The following MAP4K3 variants were observed in gnomAD, a reference collection of about 807,000 sequenced individuals.
MAP4K3 encodes the protein mitogen-activated protein kinase kinase kinase kinase 3.
In MAP4K3, 94 loss-of-function variants were observed where a neutral mutation model predicts 143.5. The ratio of observed to expected loss-of-function variants is 0.65; its 90% confidence interval spans 0.55 to 0.78. The LOEUF is 0.78. Ranked by LOEUF, MAP4K3 falls within the 30% of genes least tolerant of loss-of-function variation. The pLI is 0.00. For missense variants in MAP4K3, 1,077 were observed against 1,068.1 expected (o/e 1.01, Z -0.12); for synonymous variants, 416 against 347.2 (o/e 1.20, Z -2.20).
chr2:39,420,082 G>A (rs1667505003), intron 1 of MAP4K3, among the ~76,000 whole-genome samples: 1 of 152,192 alleles, frequency 6.6e-6, no homozygotes, highest in Non-Finnish European at 1.5e-5. Context: ...CCCTGGCCTA[G>A]GGTCAGAGAG....
chr2:39,314,316 C>A (rs1332106501), intron 13 of MAP4K3, among the ~76,000 whole-genome samples: 1 of 152,186 alleles, frequency 6.6e-6, no homozygotes, highest in East Asian at 1.9e-4. Context: ...AAGCATGAGC[C>A]ACTGTACCTG....
At chr2:39,424,943 T>C (rs940105935) in intron 1 of MAP4K3, among the ~76,000 whole-genome samples, 2 of 152,122 alleles carry the variant, frequency 1.3e-5, no homozygotes, top group Non-Finnish European at 2.9e-5. Flanking sequence ...CAAGAGTCAT[T>C]GCTCTTTTGA....
At chr2:39,283,371 T>A (rs1054777606) in intron 21 of MAP4K3, among the ~76,000 whole-genome samples, 2 of 152,188 alleles carry the variant, frequency 1.3e-5, no homozygotes, top group African/African-American at 4.8e-5. Flanking sequence ...TTTGCATGCC[T>A]CTGACTGCTA....
intron 1 of MAP4K3, among the ~76,000 whole-genome samples, chr2:39,433,733 C>G (rs927109241): frequency 6.6e-6 from 1 of 152,146 alleles, no homozygotes; most frequent in East Asian, 1.9e-4. Context: ...CTCCTAGGTC[C>G]CTAGGTAACC....
chr2:39,322,592 A>ATGTGTGTGTGTGTG lies in MAP4K3; in HGVS notation c.918+2912_918+2925dup, dbSNP rs71752304. Among the ~76,000 whole-genome samples the ATGTGTGTGTGTGTG allele has an allele frequency of 2.6e-4, 37 of 144,774 alleles. 1 individual carries two copies. In the East Asian group the frequency reaches 2.8e-3, roughly 11 times the overall value. The allele number at this position is 144,774 out of a possible 152,430, so 95.0% of individuals were successfully genotyped here. A position where few individuals can be genotyped will look rare whatever the true frequency, so the allele number is the denominator to read the frequency against. ...CTTAAACTAGACTTAGATGTGGTATATGTGTGTGTGTGTGTGTGTGTGTGT... is the reference window on the plus strand; with the variant it reads ...CTTAAACTAGACTTAGATGTGGTATATGTGTGTGTGTGTGTGTGTGTGTGTGTGTGTGTGTGTGT... On this transcript the variant is annotated intron_variant, in intron 12 of 33. Coordinates refer to ENST00000263881, the MANE Select transcript of MAP4K3 (RefSeq NM_003618.4).
intron 3 of MAP4K3, among the ~76,000 whole-genome samples, chr2:39,355,469 C>A (rs912645886): frequency 6.6e-6 from 1 of 150,708 alleles, no homozygotes; most frequent in Non-Finnish European, 1.5e-5. Context: ...GAGGTCAAGG[C>A]TGCAGTGAGC....
chr2:39,306,188 G>A (rs1408515087), intron 15 of MAP4K3, among the ~76,000 whole-genome samples: 2 of 152,114 alleles, frequency 1.3e-5, no homozygotes, highest in African/African-American at 2.4e-5. Context: ...TCTACATGGA[G>A]GATATTAATA....
chr2:39,261,091 C>T (rs1217453261), intron 28 of MAP4K3: 1 of 220,754 alleles, frequency 4.5e-6, no homozygotes, highest in Non-Finnish European at 8.8e-6. Flanking sequence ...CATGGTCCCC[C>T]GGCCTTTGTG....
chr2:39,314,639 G>C (rs1301686339), intron 13 of MAP4K3, among the ~76,000 whole-genome samples: 1 of 152,150 alleles, frequency 6.6e-6, no homozygotes, highest in Non-Finnish European at 1.5e-5. Flanking sequence ...GAATAAAAAA[G>C]TTAAGGCACT....
At chr2:39,373,319 C>A (rs1404690462) in intron 2 of MAP4K3, among the ~76,000 whole-genome samples, 1 of 152,122 alleles carries the variant, frequency 6.6e-6, no homozygotes, top group Non-Finnish European at 1.5e-5. Context: ...GAAAAGGGAA[C>A]CCTCCTACAC....
chr2:39,290,214 TA>T (rs1681980982), intron 19 of MAP4K3, 77 bp downstream of exon 19: 1 of 1,048,888 alleles, frequency 9.5e-7, no homozygotes, highest in South Asian at 1.7e-5. Context: ...AATGAAAAGC[TA>T]GAAAAACTCT....
At chr2:39,307,691 A>C (rs1052254480) in intron 15 of MAP4K3, among the ~76,000 whole-genome samples, 1 of 151,960 alleles carries the variant, frequency 6.6e-6, no homozygotes, top group Non-Finnish European at 1.5e-5. Context: ...CTAATATATG[A>C]ATGAGAAAAT....
At chr2:39,393,860 C>G (rs1033540850) in intron 1 of MAP4K3, among the ~76,000 whole-genome samples, 1 of 152,056 alleles carries the variant, frequency 6.6e-6, no homozygotes, top group Admixed American at 6.5e-5. Context: ...TACACAAATA[C>G]TGAGTTTGGT....
chr2:39,252,002 C>T, intron 32 of MAP4K3, 117 bp from the exon 33 acceptor site: 1 of 695,610 alleles, frequency 1.4e-6, no homozygotes, highest in Non-Finnish European at 2.5e-6. Context: ...AAACATATTC[C>T]TGCATGACTG....
chr2:39,415,369 T>C (rs1468063930), intron 1 of MAP4K3, among the ~76,000 whole-genome samples: 1 of 151,948 alleles, frequency 6.6e-6, no homozygotes, highest in African/African-American at 2.4e-5. Context: ...TTTGCACTTA[T>C]TGGTGCACAA....
At chr2:39,377,161 C>G (rs1666240658) in intron 2 of MAP4K3, among the ~76,000 whole-genome samples, 1 of 144,248 alleles carries the variant, frequency 6.9e-6, no homozygotes, top group Non-Finnish European at 1.5e-5. Flanking sequence ...ATATAGAGAC[C>G]ATACATGACC....
intron 2 of MAP4K3, among the ~76,000 whole-genome samples, chr2:39,360,901 G>T (rs1043578717): frequency 6.6e-6 from 1 of 152,142 alleles, no homozygotes; most frequent in African/African-American, 2.4e-5. Context: ...GACTCAAAAT[G>T]AGATTTGGGT....
chr2:39,429,467 T>TA (rs922879092), intron 1 of MAP4K3, among the ~76,000 whole-genome samples: 3 of 152,144 alleles, frequency 2.0e-5, no homozygotes, highest in Admixed American at 6.5e-5. Context: ...TACAAAGATA[T>TA]AAAAAATGAA....
intron 1 of MAP4K3, among the ~76,000 whole-genome samples, chr2:39,414,138 C>A (rs978317540): frequency 6.6e-6 from 1 of 152,150 alleles, no homozygotes; most frequent in African/African-American, 2.4e-5. Context: ...TGTTCCTAAT[C>A]TCTATAGAAA....
Sources: allele counts gnomAD v4.1 joint callset (sites outside exome capture counted in the v4.1 genomes callset), GRCh38; gene constraint gnomAD v4.1.1; transcripts MANE v1.5; gene names NCBI Gene and HGNC (gene_info 2026-07-23, HGNC 2026-07-21).